PPARGC1A: variants seen among roughly 807,000 people sequenced by gnomAD.
PPARGC1A encodes PPARG coactivator 1 alpha, also known as peroxisome proliferator-activated receptor gamma coactivator 1-alpha.
PPARGC1A carries 25 observed loss-of-function variants against 88.7 expected under a neutral mutation model. The observed-to-expected ratio is 0.28, with a 90% CI of 0.21 to 0.39. The LOEUF (loss-of-function observed/expected upper bound fraction) is 0.39, where lower values mean the gene tolerates loss of function less well. Ranked by LOEUF, PPARGC1A falls within the 10% of genes least tolerant of loss-of-function variation. The pLI, the probability that PPARGC1A is intolerant of heterozygous loss-of-function variation, is 1.00. For missense variants in PPARGC1A, 880 were observed against 968.7 expected, an observed-to-expected ratio of 0.91 and a Z score of 1.22; for synonymous variants, 363 against 355.6, an observed-to-expected ratio of 1.02 and a Z score of -0.24.
the PPARGC1A span, among the ~76,000 whole-genome samples, chr4:24,457,266 T>C: frequency 6.6e-6 from 1 of 152,244 alleles, no homozygotes; most frequent in African/African-American, 2.4e-5. Context: ...AGGGAGAGTT[T>C]AATGAACCGG....
chr4:23,902,683 A>G (rs1430379426), upstream of PPARGC1A, among the ~76,000 whole-genome samples: 1 of 152,162 alleles, frequency 6.6e-6, no homozygotes, highest in Admixed American at 6.5e-5. Context: ...ACAAGGATGC[A>G]GTGTTCTCAA....
intron 2 of PPARGC1A, among the ~76,000 whole-genome samples, chr4:23,842,975 A>G (rs983217437): frequency 6.6e-6 from 1 of 152,028 alleles, no homozygotes; most frequent in Non-Finnish European, 1.5e-5. Context: ...ATTTTTCCCA[A>G]TATCTTACAT....
chr4:24,315,022 T>TAAAAA, the PPARGC1A span, among the ~76,000 whole-genome samples: 2 of 131,512 alleles, frequency 1.5e-5, no homozygotes, highest in African/African-American at 5.7e-5. Context: ...ATACAGACCT[T>TAAAAA]AAAAAAAAAA....
At chr4:24,314,313 A>T in the PPARGC1A span, among the ~76,000 whole-genome samples, 2 of 152,212 alleles carry the variant, frequency 1.3e-5, no homozygotes, top group African/African-American at 4.8e-5. Context: ...TGAGAAGTGG[A>T]ACCTTTTGGG....
chr4:24,165,103 G>A, the PPARGC1A span, among the ~76,000 whole-genome samples: 6 of 152,116 alleles, frequency 3.9e-5, no homozygotes, highest in East Asian at 1.9e-4. Flanking sequence ...TGAGGAAAGC[G>A]AAATAATTTA....
the PPARGC1A span, among the ~76,000 whole-genome samples, chr4:24,165,051 C>T: frequency 9.9e-5 from 15 of 152,174 alleles, no homozygotes; most frequent in Non-Finnish European, 4.4e-5. Context: ...AATGTATGAC[C>T]TATCTGACTC....
chr4:23,939,457 C>T, the PPARGC1A span, among the ~76,000 whole-genome samples: 1 of 152,196 alleles, frequency 6.6e-6, no homozygotes, highest in Non-Finnish European at 1.5e-5. Flanking sequence ...AAAATAACAA[C>T]TATCTTTTAT....
At chr4:24,288,910 T>C in the PPARGC1A span, among the ~76,000 whole-genome samples, 1 of 152,098 alleles carries the variant, frequency 6.6e-6, no homozygotes, top group East Asian at 1.9e-4. Flanking sequence ...CCTGATGACA[T>C]GGGATCTTAC....
chr4:24,348,126 G>C, the PPARGC1A span, among the ~76,000 whole-genome samples: 3 of 152,226 alleles, frequency 2.0e-5, no homozygotes, highest in Non-Finnish European at 4.4e-5. Flanking sequence ...GGAGGCTGAA[G>C]ATAGGTCCCC....
the PPARGC1A span, among the ~76,000 whole-genome samples, chr4:23,973,426 T>A: frequency 6.6e-6 from 1 of 152,248 alleles, no homozygotes; most frequent in Non-Finnish European, 1.5e-5. Context: ...GCATTGGACA[T>A]GCATAATCTT....
the PPARGC1A span, among the ~76,000 whole-genome samples, chr4:24,091,025 G>C: frequency 6.6e-6 from 1 of 152,192 alleles, no homozygotes; most frequent in South Asian, 2.1e-4. Flanking sequence ...TGCATTAAAA[G>C]AATGGTCACC....
At chr4:24,052,508 A>C in the PPARGC1A span, among the ~76,000 whole-genome samples, 1 of 152,154 alleles carries the variant, frequency 6.6e-6, no homozygotes, top group South Asian at 2.1e-4. Context: ...ATGGTGGTGC[A>C]CACCTGTAAT....
chr4:23,824,244 G>C (rs746185789), intron 7 of PPARGC1A, 36 bp downstream of exon 7: 2 of 1,546,764 alleles, frequency 1.3e-6, no homozygotes, highest in Non-Finnish European at 1.8e-6. Flanking sequence ...TATACAGACA[G>C]ACACACACAA....
the PPARGC1A span, among the ~76,000 whole-genome samples, chr4:24,261,599 T>C: frequency 2.0e-5 from 3 of 152,230 alleles, no homozygotes; most frequent in Admixed American, 6.5e-5. Flanking sequence ...AAAATAAATG[T>C]GTTCCTAGGA....
the PPARGC1A span, among the ~76,000 whole-genome samples, chr4:24,315,368 ATGAAG>A: frequency 2.6e-5 from 4 of 152,214 alleles, no homozygotes; most frequent in African/African-American, 9.6e-5. Flanking sequence ...GTATAGCCAC[ATGAAG>A]GAAATGGCCT....
the PPARGC1A span, among the ~76,000 whole-genome samples, chr4:24,304,496 A>G: frequency 3.9e-5 from 6 of 152,116 alleles, no homozygotes; most frequent in Non-Finnish European, 8.8e-5. Flanking sequence ...GGGGTTGGAG[A>G]CACAGAAAGG....
the PPARGC1A span, among the ~76,000 whole-genome samples, chr4:24,125,435 A>G: frequency 1.3e-5 from 2 of 152,118 alleles, no homozygotes; most frequent in Admixed American, 6.5e-5. Context: ...CCCTAGCTCC[A>G]CACCCCAAAG....
the PPARGC1A span, among the ~76,000 whole-genome samples, chr4:23,937,492 A>G: frequency 6.6e-6 from 1 of 152,070 alleles, no homozygotes; most frequent in Non-Finnish European, 1.5e-5. Flanking sequence ...TCTTTTCACT[A>G]GAAAATAAAA....
chr4:24,261,077 T>C, the PPARGC1A span, among the ~76,000 whole-genome samples: 2 of 152,288 alleles, frequency 1.3e-5, no homozygotes, highest in Non-Finnish European at 2.9e-5. Context: ...CTGGCCTGTT[T>C]TCATGAAGAT....
Sources: allele counts gnomAD v4.1 joint callset (sites outside exome capture counted in the v4.1 genomes callset), GRCh38; gene constraint gnomAD v4.1.1; transcripts MANE v1.5; gene names NCBI Gene and HGNC (gene_info 2026-07-23, HGNC 2026-07-21).